Variants in IL1R2 observed in about 807,000 individuals in gnomAD.
The protein encoded by IL1R2 is interleukin-1 receptor type 2.
In IL1R2, 46 loss-of-function variants were observed where a neutral mutation model predicts 39.5. The ratio of observed to expected loss-of-function variants is 1.16; its 90% CI spans 0.92 to 1.49. IL1R2 has a LOEUF of 1.49. Ranked by LOEUF, IL1R2 falls within the 40% of genes most tolerant of loss-of-function variation. The pLI is 0.00. For missense variants in IL1R2, 537 were observed against 502.0 expected, an observed-to-expected ratio of 1.07 and a Z score of -0.67; for synonymous variants, 207 against 189.6, an observed-to-expected ratio of 1.09 and a Z score of -0.75.
At chr2:102,023,696 G>A (rs1021528698) in intron 6 of IL1R2, 3 of 152,108 alleles carry the variant, frequency 2.0e-5, no homozygotes, top group African/African-American at 7.2e-5. Context: ...CTATGATTGA[G>A]GCAGGGGGAC....
intron 5 of IL1R2, among the ~76,000 whole-genome samples, chr2:102,021,002 C>T (rs1340652864): frequency 6.6e-6 from 1 of 152,108 alleles, no homozygotes; most frequent in African/African-American, 2.4e-5. Flanking sequence ...TGCTGGGGAC[C>T]CTCAAGTCTA....
intron 1 of IL1R2, among the ~76,000 whole-genome samples, chr2:102,007,869 T>C (rs2150431851): frequency 6.6e-6 from 1 of 152,296 alleles, no homozygotes; most frequent in South Asian, 2.1e-4. Context: ...CTGTGGAGAA[T>C]TTTTAAAATC....
At chr2:102,026,571 G>C (rs183216626) in intron 8 of IL1R2, among the ~76,000 whole-genome samples, 1 of 152,134 alleles carries the variant, frequency 6.6e-6, no homozygotes, top group Non-Finnish European at 1.5e-5. Context: ...AGCTGTCTTC[G>C]CATGGCCTCT....
intron 5 of IL1R2, among the ~76,000 whole-genome samples, chr2:102,020,226 A>G (rs1437973390): frequency 6.6e-6 from 1 of 152,226 alleles, no homozygotes; most frequent in African/African-American, 2.4e-5. Flanking sequence ...CCAGAGAGCT[A>G]GCCTTGCACA....
chr2:101,992,576 C>T (rs1278769542), intron 1 of IL1R2, among the ~76,000 whole-genome samples: 2 of 106,660 alleles, frequency 1.9e-5, no homozygotes, highest in Non-Finnish European at 4.0e-5. Flanking sequence ...TGGAGAGAGA[C>T]AGAGAGGCAG....
chr2:102,025,671 A>C (rs1677683416), intron 7 of IL1R2, among the ~76,000 whole-genome samples: 1 of 152,218 alleles, frequency 6.6e-6, no homozygotes, highest in Admixed American at 6.5e-5. Flanking sequence ...GAGAGTCAGC[A>C]GTAGAGATGA....
chr2:102,019,555 T>C (rs1414300296), intron 4 of IL1R2, 83 bp from the exon 5 acceptor site: 42 of 965,298 alleles, frequency 4.4e-5, no homozygotes, highest in Non-Finnish European at 6.2e-5. Context: ...AAATCCCACA[T>C]TGGTTGATAA....
intron 8 of IL1R2, among the ~76,000 whole-genome samples, chr2:102,027,385 G>T (rs1350210329): frequency 6.6e-6 from 1 of 152,150 alleles, no homozygotes; most frequent in African/African-American, 2.4e-5. Context: ...CTGATGCTGG[G>T]AACCTTTAAA....
At chr2:102,027,248 G>A (rs552236992) in intron 8 of IL1R2, among the ~76,000 whole-genome samples, 4 of 152,292 alleles carry the variant, frequency 2.6e-5, no homozygotes, top group South Asian at 4.1e-4. Context: ...GAAGGGTGGC[G>A]TTTCAGATCA....
At chr2:102,020,776 A>G (rs966462947) in intron 5 of IL1R2, among the ~76,000 whole-genome samples, 1 of 152,100 alleles carries the variant, frequency 6.6e-6, no homozygotes, top group African/African-American at 2.4e-5. Context: ...TGTCTCTGCG[A>G]TACTGTGCAT....
chr2:101,997,852 A>G (rs1171496652), intron 1 of IL1R2, among the ~76,000 whole-genome samples: 1 of 152,120 alleles, frequency 6.6e-6, no homozygotes. Context: ...CAGGTTTCAA[A>G]CCCAGAATAA....
intron 3 of IL1R2, among the ~76,000 whole-genome samples, chr2:102,014,980 TATA>T (rs993972250): frequency 2.7e-5 from 4 of 147,814 alleles, no homozygotes; most frequent in South Asian, 2.1e-4. Context: ...ATAATAATCA[TATA>T]ATAATAAAGC....
chr2:101,994,596 A>G (rs921065128), intron 1 of IL1R2, among the ~76,000 whole-genome samples: 2 of 152,200 alleles, frequency 1.3e-5, no homozygotes, highest in African/African-American at 2.4e-5. Flanking sequence ...GGTGATGCTG[A>G]CACCAGTGCT....
At chr2:102,022,285 G>A in intron 6 of IL1R2, 36 bp downstream of exon 6, 1 of 1,566,270 alleles carries the variant, frequency 6.4e-7, no homozygotes, top group Admixed American at 1.7e-5. Context: ...CCACGCACCT[G>A]TGGGGGTGCC....
chr2:102,022,030 T>C, intron 5 of IL1R2, 157 bp from the exon 6 acceptor site: 2 of 655,098 alleles, frequency 3.1e-6, no homozygotes, highest in East Asian at 5.2e-5. Context: ...CTCGATTTTG[T>C]AGAGAGCCTG....
intron 3 of IL1R2, among the ~76,000 whole-genome samples, chr2:102,013,566 AGAAAAGAAGGAAAAG>A (rs1676791882): frequency 6.3e-5 from 9 of 142,596 alleles, no homozygotes; most frequent in Non-Finnish European, 7.6e-5. Context: ...AAGAAAGAAA[AGAAAAGAAGGAAAAG>A]AAAAAGAAAA....
In IL1R2 at chr2:102,003,526, C is replaced by G. The variant is rs1224716182; in HGVS notation, c.-61-4989C>G. 6.0e-5 allele frequency among the ~76,000 whole-genome samples: 7 copies of G among 116,140 alleles called. No individual in the cohort carries two copies. The South Asian group carries it at 2.3e-3, about 38-fold the overall frequency. 76.2% of individuals were successfully genotyped at this position (116,140 alleles called of 152,430 possible). Reference sequence around the variant, plus strand: ...TTTGTCCCCTGTCTGTGTCCCATGTCTGTGTCTGTGTCTGGCTGTGGCTGT... The same window carrying G: ...TTTGTCCCCTGTCTGTGTCCCATGTGTGTGTCTGTGTCTGGCTGTGGCTGT... On this transcript the variant is annotated intron_variant, in intron 1 of 8. Coordinates refer to ENST00000332549, the MANE Select transcript of IL1R2 (RefSeq NM_004633.4).
chr2:102,011,018 A>G (rs1676596099), intron 3 of IL1R2, among the ~76,000 whole-genome samples: 1 of 152,210 alleles, frequency 6.6e-6, no homozygotes, highest in African/African-American at 2.4e-5. Flanking sequence ...GAATTATTTC[A>G]CTTAGCATAG....
chr2:102,003,897 G>GTGTCTC (rs1427883069), intron 1 of IL1R2, among the ~76,000 whole-genome samples: 5 of 151,832 alleles, frequency 3.3e-5, no homozygotes, highest in Non-Finnish European at 7.4e-5. Flanking sequence ...GTCTGTGTCT[G>GTGTCTC]TGTCTCTGTC....
Sources: allele counts gnomAD v4.1 joint callset (sites outside exome capture counted in the v4.1 genomes callset), GRCh38; gene constraint gnomAD v4.1.1; transcripts MANE v1.5; gene names NCBI Gene and HGNC (gene_info 2026-07-23, HGNC 2026-07-21).